PKHD1L1: variants seen among roughly 807,000 people sequenced by gnomAD.
PKHD1L1 encodes the protein PKHD1 like 1.
Under a neutral mutation model 462.9 loss-of-function variants are expected in PKHD1L1, and 434 were observed. The observed-to-expected ratio is 0.94, with a 90% CI of 0.87 to 1.02. The LOEUF is 1.02. PKHD1L1 is among the 50% of genes least tolerant of loss of function. The pLI, the probability that PKHD1L1 is intolerant of heterozygous loss-of-function variation, is 0.00. For missense variants in PKHD1L1, 5,202 were observed against 5,096.1 expected (o/e 1.02, Z -0.63); for synonymous variants, 1,781 against 1,750.0 (o/e 1.02, Z -0.44).
chr8:109,426,902 T>C (rs1192952536), intron 24 of PKHD1L1, 100 bp from the exon 25 acceptor site: 3 of 707,454 alleles, frequency 4.2e-6, no homozygotes, highest in East Asian at 5.1e-5. Context: ...ACCCGCCCGC[T>C]TTGGCCTCCC....
At chr8:109,492,567 T>G (rs998796550) in intron 62 of PKHD1L1, among the ~76,000 whole-genome samples, 2 of 151,776 alleles carry the variant, frequency 1.3e-5, no homozygotes, top group African/African-American at 4.8e-5. Context: ...AAGGATTGAG[T>G]TTTTTTATGT....
chr8:109,513,009 G>C (rs1402314114), intron 71 of PKHD1L1, among the ~76,000 whole-genome samples: 4 of 151,710 alleles, frequency 2.6e-5, no homozygotes, highest in Non-Finnish European at 5.9e-5. Context: ...TCTGTTATTG[G>C]TGTATAAGAA....
At chr8:109,397,411 C>A (rs972481752) in intron 11 of PKHD1L1, among the ~76,000 whole-genome samples, 1 of 152,050 alleles carries the variant, frequency 6.6e-6, no homozygotes, top group Non-Finnish European at 1.5e-5. Context: ...TGCAGTGGCT[C>A]ATGCCTGTAA....
intron 2 of PKHD1L1, among the ~76,000 whole-genome samples, chr8:109,376,828 G>T (rs1052992210): frequency 3.3e-5 from 5 of 152,182 alleles, no homozygotes; most frequent in African/African-American, 9.7e-5. Context: ...GGTAAGAGGG[G>T]TTATATCTTG....
intron 23 of PKHD1L1, among the ~76,000 whole-genome samples, chr8:109,423,120 C>T (rs1266863020): frequency 2.0e-5 from 3 of 152,044 alleles, no homozygotes; most frequent in Non-Finnish European, 4.4e-5. Flanking sequence ...AGGTCTTTGA[C>T]AGAACAAAGT....
intron 49 of PKHD1L1, 35 bp downstream of exon 49, chr8:109,465,280 T>C (rs969324571): frequency 3.2e-6 from 5 of 1,581,062 alleles, no homozygotes; most frequent in Non-Finnish European, 4.3e-6. Flanking sequence ...TAAAAATCCA[T>C]TGGAAATATG....
chr8:109,431,360 C>CA (rs1815091479), intron 27 of PKHD1L1, among the ~76,000 whole-genome samples: 1 of 152,102 alleles, frequency 6.6e-6, no homozygotes, highest in South Asian at 2.1e-4. Flanking sequence ...AACATTGTGT[C>CA]ATATTTACTT....
In PKHD1L1 at chr8:109,464,893, G is replaced by C; in HGVS notation, c.8061G>C (p.Arg2687Ser). 1.2e-6 allele frequency: 2 copies of C among 1,613,842 alleles called. No homozygotes were observed. The highest frequency in any genetic ancestry group is 1.7e-6 in the Non-Finnish European group (2 of 1,179,806). The part of the protein sequence containing the change: ...NNYEAGIETK[R>S]ILAPYVGGWG... ...ATGAGGCTGGAATTGAGACTAAGAG[G>C]ATCCTGGCTCCTTATGTTGGAGGGT... Residue 2687 changes from arginine (R) to serine (S), a missense_variant, in exon 49 of 78, where the codon AGG becomes AGC. Arg to Ser is a moderately radical substitution (Grantham distance 110, BLOSUM62 -1). This residue lies in a region of PKHD1L1 where 4,497 missense variants were observed against 4,336.8 expected (regional missense o/e 1.04). Transcript: ENST00000378402.
chr8:109,470,342 G>T, intron 50 of PKHD1L1: 1 of 1,535,862 alleles, frequency 6.5e-7, no homozygotes. Context: ...TGGAGAGAGA[G>T]TGAAGTTAAC....
chr8:109,457,153 C>G (rs1816871483), intron 46 of PKHD1L1, among the ~76,000 whole-genome samples: 1 of 151,980 alleles, frequency 6.6e-6, no homozygotes, highest in Non-Finnish European at 1.5e-5. Flanking sequence ...AGGAAATGAA[C>G]AGTGATTTAT....
chr8:109,438,575 T>A (rs1158254859), intron 31 of PKHD1L1, 119 bp downstream of exon 31: 6 of 852,398 alleles, frequency 7.0e-6, no homozygotes, highest in Non-Finnish European at 1.1e-5. Context: ...CCAGTTATAG[T>A]GTTATGTGTG....
intron 73 of PKHD1L1, among the ~76,000 whole-genome samples, chr8:109,520,871 G>C (rs201683535): frequency 2.6e-5 from 4 of 152,094 alleles, no homozygotes; most frequent in Non-Finnish European, 4.4e-5. Context: ...CATGTCGAAC[G>C]GTCAGCGAGA....
chr8:109,443,867 G>A lies in PKHD1L1; in HGVS notation c.4756G>A (p.Gly1586Arg), dbSNP rs764508014. 6 of 1,613,414 alleles carry A rather than the reference G, an allele frequency of 3.7e-6. No individual in the cohort carries two copies. The highest frequency in any genetic ancestry group is 3.3e-5 in the Admixed American group (2 of 59,980). ...GTVNELITII[G>R]HGFSNLPWAN... ...AGTAAATGAACTAATAACAATTATTGGACATGGCTTTAGTAATCTCCCATG... is the reference window on the plus strand; with the variant it reads ...AGTAAATGAACTAATAACAATTATTAGACATGGCTTTAGTAATCTCCCATG... Residue 1586 changes from glycine to arginine, a missense_variant, in exon 37 of 78, where the codon GGA (glycine) becomes AGA (arginine). This residue lies in a region of PKHD1L1 where 4,497 missense variants were observed against 4,336.8 expected (regional missense o/e 1.04). Coordinates refer to ENST00000378402, the MANE Select transcript of PKHD1L1 (RefSeq NM_177531.6).
chr8:109,410,974 G>A (rs781627207), intron 19 of PKHD1L1, among the ~76,000 whole-genome samples: 4 of 151,662 alleles, frequency 2.6e-5, no homozygotes, highest in South Asian at 2.1e-4. Context: ...TGATCCGCAC[G>A]TCTTGGCCTC....
At chr8:109,491,416 AT>A (rs1200076457) in intron 61 of PKHD1L1, among the ~76,000 whole-genome samples, 1 of 151,826 alleles carries the variant, frequency 6.6e-6, no homozygotes. Context: ...AAATGGAAGA[AT>A]TTTTACCACA....
rs1821081907 is a variant in PKHD1L1, at chr8:109,533,357, T to A, written c.*3267T>A. Among the ~76,000 whole-genome samples, 1 of 152,250 alleles carries A rather than the reference T, an allele frequency of 6.6e-6. No individual in the cohort carries two copies. Among genetic ancestry groups the A allele is most frequent in the Non-Finnish European group, 1.5e-5 (1 of 68,036 alleles). The stretch of plus-strand genomic sequence containing the variant: ...CAGGCGGTAAAATGATAGCCACTCT[T>A]GTTTTTATTTCCATAATGTGGCCTA... On this transcript the variant is annotated 3_prime_UTR_variant, in exon 78 of 78. Coordinates refer to ENST00000378402, the MANE Select transcript of PKHD1L1 (RefSeq NM_177531.6).
chr8:109,411,951 A>C (rs1168497592), intron 19 of PKHD1L1, among the ~76,000 whole-genome samples: 1 of 152,130 alleles, frequency 6.6e-6, no homozygotes, highest in Non-Finnish European at 1.5e-5. Context: ...AAACACGCAA[A>C]CAAGCAGAAA....
chr8:109,409,837 G>T, intron 18 of PKHD1L1, 28 bp from the exon 19 acceptor site: 2 of 1,320,780 alleles, frequency 1.5e-6, no homozygotes, highest in Non-Finnish European at 2.1e-6. Context: ...ATGAAAAGAA[G>T]TTACTAATGT....
chr8:109,418,371 G>A (rs898165662), intron 21 of PKHD1L1, among the ~76,000 whole-genome samples: 3 of 152,096 alleles, frequency 2.0e-5, no homozygotes, highest in Non-Finnish European at 4.4e-5. Context: ...AAGAAAATGG[G>A]ACTGTAAGGT....
Sources: gnomAD v4.1 joint callset for allele counts (sites outside exome capture counted in the v4.1 genomes callset) on GRCh38, gnomAD v4.1.1 for gene constraint, gnomAD v4.1.1 regional missense constraint, MANE v1.5 for transcripts, NCBI Gene and HGNC (gene_info 2026-07-23, HGNC 2026-07-21) for gene names.